PIWIL2: variants seen among roughly 807,000 people sequenced by gnomAD.
The protein encoded by PIWIL2 is piwi-like protein 2.
PIWIL2 carries 81 observed loss-of-function variants against 116.5 expected under a neutral mutation model. The observed-to-expected ratio is 0.70, with a 90% confidence interval of 0.58 to 0.84. The LOEUF is 0.84. Ranked by LOEUF, PIWIL2 falls within the 40% of genes least tolerant of loss-of-function variation. The pLI is 0.00. For synonymous variants in PIWIL2, 489 were observed against 429.5 expected, an observed-to-expected ratio of 1.14 and a Z score of -1.71; for missense variants, 1,272 against 1,212.3, an observed-to-expected ratio of 1.05 and a Z score of -0.73.
chr8:22,353,743 A>G (rs142424252), intron 21 of PIWIL2, among the ~76,000 whole-genome samples: 1,590 of 145,556 alleles, frequency 0.011, 45 homozygotes, highest in African/African-American at 0.037. Context: ...CTTCTACAGG[A>G]AGATAAGGGA....
Position 22,304,150 on chromosome 8 carries a change from T to C in PIWIL2, c.1311T>C (p.Thr437=), listed in dbSNP as rs1406605329. ...TTGATGATGTGGATTGGAATAAGAC[T>C]CCAAAGGATAGCTTCACGATGTCTG... The part of the protein sequence containing the change: ...YRIDDVDWNK[T]PKDSFTMSDG... Residue 437 remains threonine, a synonymous_variant, in exon 11 of 23, where the codon ACT becomes ACC. Transcript: ENST00000356766. The C allele has an allele frequency of 6.2e-7, 1 of 1,613,494 alleles. No individual in the cohort carries two copies. Among genetic ancestry groups the C allele is most frequent in the Non-Finnish European group, 8.5e-7 (1 of 1,179,514 alleles).
intron 20 of PIWIL2, among the ~76,000 whole-genome samples, chr8:22,335,801 C>T (rs987174028): frequency 4.6e-5 from 7 of 152,082 alleles, no homozygotes; most frequent in African/African-American, 1.7e-4. Context: ...TCAAGTGATC[C>T]ACCTGCCTCT....
intron 20 of PIWIL2, among the ~76,000 whole-genome samples, chr8:22,335,422 TGTG>T (rs1464528266): frequency 1.6e-3 from 1 of 644 alleles, no homozygotes; most frequent in Non-Finnish European, 0.01. Flanking sequence ...AGTGCAGTGG[TGTG>T]ATCATACATA....
At chr8:22,323,143 CTTTTT>C (rs138180864) in intron 20 of PIWIL2, among the ~76,000 whole-genome samples, 1 of 78,024 alleles carries the variant, frequency 1.3e-5, no homozygotes. Flanking sequence ...TAGTCTTGAT[CTTTTT>C]TTTTTTTTTT....
At chr8:22,294,644 C>CAAAAAAAAA (rs897494985) in intron 10 of PIWIL2, among the ~76,000 whole-genome samples, 2 of 29,896 alleles carry the variant, frequency 6.7e-5, no homozygotes, top group African/African-American at 1.2e-4. Context: ...GACTCTGTCT[C>CAAAAAAAAA]AAAAAAAAAA....
intron 20 of PIWIL2, among the ~76,000 whole-genome samples, chr8:22,338,705 A>AATAAATAT (rs1832037242): frequency 1.3e-5 from 2 of 151,880 alleles, no homozygotes; most frequent in Non-Finnish European, 2.9e-5. Flanking sequence ...TAAATAAATA[A>AATAAATAT]ATAAATAAAT....
At chr8:22,281,306 TAA>T in intron 3 of PIWIL2, 69 bp from the exon 4 acceptor site, 3 of 1,246,678 alleles carry the variant, frequency 2.4e-6, no homozygotes, top group Non-Finnish European at 2.2e-6. Context: ...GTGCTTTTTT[TAA>T]AAAAAAAAAC....
chr8:22,345,666 A>G (rs1015474699), intron 20 of PIWIL2, among the ~76,000 whole-genome samples: 6 of 152,148 alleles, frequency 3.9e-5, no homozygotes, highest in Admixed American at 6.6e-5. Context: ...TCTGTCTCAA[A>G]AATATAATGA....
rs564140420 is a variant in PIWIL2, at chr8:22,353,114, G to A, written c.2559G>A (p.Gln853=). 9 of 1,614,138 alleles carry A rather than the reference G, an allele frequency of 5.6e-6. No homozygotes were observed. The highest frequency in any genetic ancestry group is 4.0e-5 in the African/African-American group (3 of 75,058). ...CCAAGATGGTGGTGTTTGTAGTTCA[G>A]AAGAAAATCAGTACTAATCTATATC... ...YQPKMVVFVV[Q]KKISTNLYLA... is the part of the protein sequence containing the mutation. Residue 853 remains glutamine (Q), a synonymous_variant, in exon 21 of 23, where the codon CAG becomes CAA. Transcript: ENST00000356766.
chr8:22,336,972 C>T (rs1005745448), intron 20 of PIWIL2, among the ~76,000 whole-genome samples: 7 of 152,274 alleles, frequency 4.6e-5, no homozygotes, highest in Middle Eastern at 3.4e-3. Context: ...ATGTGAACAA[C>T]TATGTACCAA....
chr8:22,290,642 T>G (rs1210013655), intron 10 of PIWIL2, among the ~76,000 whole-genome samples: 2 of 129,824 alleles, frequency 1.5e-5, no homozygotes, highest in Non-Finnish European at 1.6e-5. Flanking sequence ...TTTGTAGAGA[T>G]AGGGTCTTGC....
intron 21 of PIWIL2, 45 bp from the exon 22 acceptor site, chr8:22,354,226 T>C: frequency 2.3e-6 from 3 of 1,280,134 alleles, no homozygotes; most frequent in Admixed American, 3.4e-5. Flanking sequence ...CAGCTCTGTC[T>C]GGCTGAATCC....
chr8:22,310,506 C>A (rs944932021), intron 15 of PIWIL2, among the ~76,000 whole-genome samples: 2 of 152,196 alleles, frequency 1.3e-5, no homozygotes, highest in East Asian at 3.9e-4. Flanking sequence ...TGTTTTTGAC[C>A]AACATGGACT....
At chr8:22,328,492 G>A (rs1216813013) in intron 20 of PIWIL2, among the ~76,000 whole-genome samples, 2 of 152,028 alleles carry the variant, frequency 1.3e-5, no homozygotes, top group Non-Finnish European at 2.9e-5. Flanking sequence ...ACTTTCATAG[G>A]GATTGTATTG....
chr8:22,326,006 G>A (rs1190136391), intron 20 of PIWIL2, among the ~76,000 whole-genome samples: 1 of 152,140 alleles, frequency 6.6e-6, no homozygotes, highest in East Asian at 1.9e-4. Flanking sequence ...GTTGTTGATA[G>A]TGCTTCACAG....
chr8:22,288,711 G>A (rs201718845), intron 8 of PIWIL2, 45 bp downstream of exon 8: 547 of 1,538,730 alleles, frequency 3.6e-4, no homozygotes, highest in Non-Finnish European at 3.6e-4. Flanking sequence ...CTTCAGTCTT[G>A]TATTTACAGT....
chr8:22,298,085 T>C (rs1237662783), intron 10 of PIWIL2, among the ~76,000 whole-genome samples: 2 of 152,032 alleles, frequency 1.3e-5, no homozygotes, highest in Non-Finnish European at 2.9e-5. Context: ...GGCAAAATCC[T>C]GTCTCTACAA....
chr8:22,320,699 T>C (rs1282004459), intron 20 of PIWIL2, among the ~76,000 whole-genome samples: 1 of 151,688 alleles, frequency 6.6e-6, no homozygotes, highest in African/African-American at 2.4e-5. Flanking sequence ...CAAGCAATTC[T>C]CCTGCCTCAG....
intron 20 of PIWIL2, among the ~76,000 whole-genome samples, chr8:22,329,470 G>A (rs1831808215): frequency 6.6e-6 from 1 of 152,122 alleles, no homozygotes; most frequent in South Asian, 2.1e-4. Context: ...AGGAGTAAAT[G>A]AGAGAGAGAG....
Sources: allele counts gnomAD v4.1 joint callset (sites outside exome capture counted in the v4.1 genomes callset), GRCh38; gene constraint gnomAD v4.1.1; transcripts MANE v1.5; gene names NCBI Gene and HGNC (gene_info 2026-07-23, HGNC 2026-07-21).